The following PHF24 variants were observed in gnomAD, a reference collection of about 807,000 sequenced individuals.
PHF24 encodes the protein Galpha inhibitory interacting protein.
PHF24 carries 25 observed loss-of-function variants against 42.6 expected under a neutral mutation model. That is an observed-to-expected ratio of 0.59 (90% CI 0.43 to 0.82). The LOEUF is 0.82. PHF24 is among the 40% of genes least tolerant of loss of function. The pLI is 0.00. For missense variants in PHF24, 470 were observed against 538.1 expected (o/e 0.87, Z 1.25); for synonymous variants, 185 against 204.8 (o/e 0.90, Z 0.83).
chr9:34,783,957 T>C, the PHF24 span, among the ~76,000 whole-genome samples: 1 of 152,238 alleles, frequency 6.6e-6, no homozygotes. Context: ...ATCTACTTGC[T>C]GAAATTTCTG....
At chr9:34,829,920 GAATT>G in the PHF24 span, among the ~76,000 whole-genome samples, 6 of 152,316 alleles carry the variant, frequency 3.9e-5, 1 homozygote, top group South Asian at 1.2e-3. Context: ...TGGAGGTTTT[GAATT>G]AATTTGCATT....
the PHF24 span, chr9:34,835,915 G>T: frequency 5.0e-6 from 4 of 802,892 alleles, no homozygotes; most frequent in South Asian, 5.8e-5. Context: ...TGGACTCCTC[G>T]ACAAAGTTGG....
chr9:34,768,911 A>G, the PHF24 span, among the ~76,000 whole-genome samples: 1 of 151,878 alleles, frequency 6.6e-6, no homozygotes, highest in East Asian at 1.9e-4. Flanking sequence ...AGAGAGAGAG[A>G]GGGAGAGAGA....
the PHF24 span, among the ~76,000 whole-genome samples, chr9:34,679,355 C>G: frequency 6.6e-6 from 1 of 152,222 alleles, no homozygotes; most frequent in Non-Finnish European, 1.5e-5. Flanking sequence ...ATGGAGAGTT[C>G]TTGATGACCG....
At chr9:34,906,239 G>A in the PHF24 span, among the ~76,000 whole-genome samples, 1 of 152,126 alleles carries the variant, frequency 6.6e-6, no homozygotes, top group Non-Finnish European at 1.5e-5. Context: ...CTGAGAAAGT[G>A]TGCCTGCCTC....
chr9:34,931,375 C>CAAA, the PHF24 span, among the ~76,000 whole-genome samples: 34,596 of 82,568 alleles, frequency 0.42, 7,461 homozygotes, highest in Non-Finnish European at 0.49. Flanking sequence ...GACTCTGTAT[C>CAAA]AAAAAAAAAA....
At chr9:34,716,222 A>G in the PHF24 span, among the ~76,000 whole-genome samples, 3 of 152,236 alleles carry the variant, frequency 2.0e-5, no homozygotes, top group Non-Finnish European at 2.9e-5. Flanking sequence ...GTGTAGTTGC[A>G]TGCATTCATC....
At chr9:34,690,167 G>T in the PHF24 span, 4 of 1,611,406 alleles carry the variant, frequency 2.5e-6, no homozygotes, top group Non-Finnish European at 3.4e-6. Flanking sequence ...CTCAACAGGG[G>T]CTAAAACGGG....
At chr9:34,842,187 G>A in the PHF24 span, among the ~76,000 whole-genome samples, 1 of 152,150 alleles carries the variant, frequency 6.6e-6, no homozygotes, top group South Asian at 2.1e-4. Flanking sequence ...TTATTGCAGA[G>A]TAGATTCCAT....
chr9:34,689,869 G>A, the PHF24 span: 2 of 1,614,178 alleles, frequency 1.2e-6, no homozygotes, highest in East Asian at 2.2e-5. The surrounding 1 kb of genome is among the most constrained non-coding windows in gnomAD (Gnocchi z 4.1). Context: ...AAGGATCATG[G>A]GCTGGAATCT....
chr9:34,869,419 G>A, the PHF24 span, among the ~76,000 whole-genome samples: 1 of 152,216 alleles, frequency 6.6e-6, no homozygotes, highest in Non-Finnish European at 1.5e-5. Flanking sequence ...AGCATCTGTT[G>A]TTTCTTGACT....
the PHF24 span, among the ~76,000 whole-genome samples, chr9:34,863,369 G>A: frequency 1.3e-5 from 2 of 151,948 alleles, no homozygotes; most frequent in Non-Finnish European, 2.9e-5. Context: ...CAGTCCCAGT[G>A]GTGGTGGCCA....
chr9:34,726,847 C>T, the PHF24 span: 10 of 1,551,690 alleles, frequency 6.4e-6, no homozygotes, highest in Admixed American at 2.0e-5. Context: ...CCTGCAATGG[C>T]CCCGATAAAG....
chr9:34,724,008 G>T, the PHF24 span: 1 of 1,548,262 alleles, frequency 6.5e-7, no homozygotes, highest in East Asian at 2.5e-5. Context: ...TCTTCAGCAG[G>T]GCGTCTCTCT....
chr9:34,698,319 C>G, the PHF24 span, among the ~76,000 whole-genome samples: 1 of 152,034 alleles, frequency 6.6e-6, no homozygotes, highest in Non-Finnish European at 1.5e-5. Flanking sequence ...AATTTCCAGG[C>G]TATGGAGATG....
the PHF24 span, among the ~76,000 whole-genome samples, chr9:34,675,738 G>T: frequency 6.6e-6 from 1 of 152,166 alleles, no homozygotes; most frequent in Non-Finnish European, 1.5e-5. Context: ...CAGGGTGCCT[G>T]GGCCTGGGCT....
At chr9:34,870,312 A>G in the PHF24 span, among the ~76,000 whole-genome samples, 2 of 152,144 alleles carry the variant, frequency 1.3e-5, no homozygotes, top group Admixed American at 1.3e-4. Context: ...GTAATACTGC[A>G]TAAATGTATA....
At chr9:34,884,238 A>C in the PHF24 span, among the ~76,000 whole-genome samples, 1 of 152,166 alleles carries the variant, frequency 6.6e-6, no homozygotes, top group Non-Finnish European at 1.5e-5. Flanking sequence ...GTGGGGAGGG[A>C]TAGCATTAGG....
the PHF24 span, among the ~76,000 whole-genome samples, chr9:34,686,069 G>A: frequency 1.1e-4 from 16 of 152,314 alleles, no homozygotes; most frequent in African/African-American, 2.9e-4. Context: ...CCTGGTAAGC[G>A]TCAGTGGTGA....
Sources: allele counts gnomAD v4.1 joint callset (sites outside exome capture counted in the v4.1 genomes callset), GRCh38; gene constraint gnomAD v4.1.1; non-coding constraint Gnocchi (gnomAD v3.1); transcripts MANE v1.5; gene names NCBI Gene and HGNC (gene_info 2026-07-23, HGNC 2026-07-21).